MAEA: variants seen among roughly 807,000 people sequenced by gnomAD.
The protein encoded by MAEA is E3 ubiquitin-protein transferase MAEA.
A neutral mutation model predicts 46.2 loss-of-function variants in MAEA; 22 were observed. That is an observed-to-expected ratio of 0.48 (90% confidence interval 0.34 to 0.68). The LOEUF (loss-of-function observed/expected upper bound fraction) is 0.68, where lower values mean the gene tolerates loss of function less well. Among genes scored for constraint, MAEA ranks in the 30% least tolerant of loss-of-function variants. The pLI is 0.01. For missense variants in MAEA, 393 were observed against 558.1 expected (o/e 0.70, Z 2.98); for synonymous variants, 246 against 222.6 (o/e 1.11, Z -0.94).
chr4:1,290,885 C>T (rs1276898404), intron 1 of MAEA, among the ~76,000 whole-genome samples: 1 of 152,200 alleles, frequency 6.6e-6, no homozygotes, highest in Non-Finnish European at 1.5e-5. Context: ...GTGAGCCATC[C>T]TGCTGGGGTG....
intron 4 of MAEA, among the ~76,000 whole-genome samples, chr4:1,322,967 T>G (rs1434318731): frequency 6.9e-6 from 1 of 145,482 alleles, no homozygotes; most frequent in Admixed American, 6.8e-5. Context: ...TTTTTTTTTT[T>G]TTTTTTGAGA....
chr4:1,320,147 C>A (rs1737854465), intron 3 of MAEA, among the ~76,000 whole-genome samples: 2 of 140,946 alleles, frequency 1.4e-5, no homozygotes, highest in African/African-American at 5.5e-5. Flanking sequence ...AAAGAATCAT[C>A]AAAGCAAACA....
At chr4:1,292,624 C>T (rs545743655) in intron 1 of MAEA, among the ~76,000 whole-genome samples, 1 of 152,268 alleles carries the variant, frequency 6.6e-6, no homozygotes, top group South Asian at 2.1e-4. Context: ...TGCCAGATGC[C>T]AAGAGCATGC....
chr4:1,313,579 C>T (rs1736775028), intron 2 of MAEA, among the ~76,000 whole-genome samples: 1 of 151,890 alleles, frequency 6.6e-6, no homozygotes, highest in Non-Finnish European at 1.5e-5. Context: ...TTAAAAATAG[C>T]CAAGCGTACT....
chr4:1,315,751 C>G, intron 3 of MAEA, 151 bp downstream of exon 3: 1 of 554,222 alleles, frequency 1.8e-6, no homozygotes, highest in Non-Finnish European at 3.2e-6. Flanking sequence ...CCTCCCCCCA[C>G]CCCCGTGTGC....
At chr4:1,333,581 A>G (rs1170889463) in intron 6 of MAEA, among the ~76,000 whole-genome samples, 1 of 152,196 alleles carries the variant, frequency 6.6e-6, no homozygotes, top group Non-Finnish European at 1.5e-5. Flanking sequence ...TTCTGCCATC[A>G]CTAACCAGGC....
At chr4:1,309,034 C>T (rs577277043) in intron 1 of MAEA, among the ~76,000 whole-genome samples, 40 of 152,188 alleles carry the variant, frequency 2.6e-4, no homozygotes, top group Non-Finnish European at 5.0e-4. Flanking sequence ...GTATCTTCTG[C>T]GGGCTCATCT....
At chr4:1,303,930 TCCGGCAGGGCAGGGTGGGGGTCG>T (rs1735579479) in intron 1 of MAEA, among the ~76,000 whole-genome samples, 1 of 32,914 alleles carries the variant, frequency 3.0e-5, no homozygotes, top group Admixed American at 4.7e-4. Context: ...GGCAGGGGGG[TCCGGCAGGGCAGGGTGGGGGTCG>T]GGCAGGGCAG....
chr4:1,323,935 G>T (rs1033441463), intron 4 of MAEA, among the ~76,000 whole-genome samples: 3 of 152,046 alleles, frequency 2.0e-5, no homozygotes, highest in Non-Finnish European at 4.4e-5. Context: ...ATGCCTGGTG[G>T]ATGAGCGTGC....
Position 1,332,927 on chromosome 4 carries a change from G to T in MAEA, c.765+62G>T. On this transcript the variant is annotated intron_variant, in intron 6 of 8. Transcript: ENST00000303400. Reference sequence around the variant, plus strand: ...GGTGGGGATCCAGGGTGTGTCTCTGGTCTGTAGCTGCTTCCACACGTGGGG... The same window carrying T: ...GGTGGGGATCCAGGGTGTGTCTCTGTTCTGTAGCTGCTTCCACACGTGGGG... 4.6e-6 allele frequency: 6 copies of T among 1,291,304 alleles called. No homozygotes were observed. The South Asian group carries it at 6.6e-5, about 14-fold the overall frequency. 80.0% of individuals were successfully genotyped at this position (1,291,304 alleles called of 1,614,324 possible).
intron 1 of MAEA, chr4:1,297,988 G>GC (rs1734930165): frequency 2.2e-6 from 1 of 456,050 alleles, no homozygotes; most frequent in Non-Finnish European, 4.4e-6. Flanking sequence ...GCTGTGCAAG[G>GC]CCCCTGCACT....
intron 1 of MAEA, among the ~76,000 whole-genome samples, chr4:1,297,473 A>T (rs780405204): frequency 9.6e-6 from 1 of 104,430 alleles, no homozygotes; most frequent in African/African-American, 6.5e-5. Flanking sequence ...GTGTGTGTGT[A>T]TACATACATA....
At chr4:1,307,062 C>G (rs1443030845) in intron 1 of MAEA, among the ~76,000 whole-genome samples, 2 of 152,182 alleles carry the variant, frequency 1.3e-5, no homozygotes, top group East Asian at 1.9e-4. Context: ...CTTCAGCACT[C>G]TAGCTTTATG....
chr4:1,303,602 G>C lies in MAEA; in HGVS notation c.70-8377G>C, dbSNP rs982402691. Among the ~76,000 whole-genome samples, 51 of 152,210 alleles carry C rather than the reference G, an allele frequency of 3.4e-4. 1 individual carries two copies. The highest frequency in any genetic ancestry group is 1.1e-3 in the African/African-American group (44 of 41,524). The stretch of plus-strand genomic sequence containing the variant: ...CCAGATACAAAAGTCCACATCACGT[G>C]TGATTCCATTTATATGGAATTGGTT... On this transcript the variant is annotated intron_variant, in intron 1 of 8. Coordinates refer to ENST00000303400, the MANE Select transcript of MAEA (RefSeq NM_001017405.3).
intron 3 of MAEA, among the ~76,000 whole-genome samples, chr4:1,317,378 GCCCCACACTCCGGACTCACCCGCAGA>G (rs1463263793): frequency 7.5e-6 from 1 of 133,604 alleles, no homozygotes; most frequent in Admixed American, 7.3e-5. Flanking sequence ...TCATCTGCAG[GCCCCACACTCCGGACTCACCCGCAGA>G]CCCACCTGGC....
intron 1 of MAEA, among the ~76,000 whole-genome samples, chr4:1,290,839 C>T (rs948422836): frequency 2.6e-5 from 4 of 152,196 alleles, no homozygotes; most frequent in Admixed American, 6.5e-5. Context: ...CCCCCAGCCC[C>T]AGGGCAGTTC....
chr4:1,324,567 G>A (rs1738561644), intron 4 of MAEA, among the ~76,000 whole-genome samples: 1 of 149,552 alleles, frequency 6.7e-6, no homozygotes, highest in Non-Finnish European at 1.5e-5. Flanking sequence ...CGTGCCTGGT[G>A]TTGGATGAGT....
intron 3 of MAEA, among the ~76,000 whole-genome samples, chr4:1,318,294 G>T (rs1309741821): frequency 1.3e-5 from 2 of 152,234 alleles, no homozygotes; most frequent in Non-Finnish European, 2.9e-5. Flanking sequence ...AGCTGTGGGT[G>T]CCCCTGGCCC....
intron 4 of MAEA, among the ~76,000 whole-genome samples, chr4:1,324,473 A>T (rs973750814): frequency 8.4e-5 from 12 of 142,958 alleles, no homozygotes; most frequent in African/African-American, 3.2e-4. Flanking sequence ...CTGGTGGATG[A>T]CCGTGCCTGG....
Sources: allele counts gnomAD v4.1 joint callset (sites outside exome capture counted in the v4.1 genomes callset), GRCh38; gene constraint gnomAD v4.1.1; transcripts MANE v1.5; gene names NCBI Gene and HGNC (gene_info 2026-07-23, HGNC 2026-07-21).